The following REST variants were observed in gnomAD, a reference collection of about 807,000 sequenced individuals.
REST encodes the protein RE1 silencing transcription factor.
Under a neutral mutation model 30.4 loss-of-function variants are expected in REST, and 1 was observed. The observed-to-expected ratio is 0.03, with a 90% CI of 0.01 to 0.16. REST has a LOEUF of 0.16. Among genes scored for constraint, REST ranks in the 10% least tolerant of loss-of-function variants. The pLI, the probability that REST is intolerant of heterozygous loss-of-function variation, is 1.00. For synonymous variants in REST, 504 were observed against 451.1 expected (o/e 1.12, Z -1.49); for missense variants, 1,259 against 1,329.5 (o/e 0.95, Z 0.82).
rs1178475745 is a variant in REST at position 56,910,711 on chromosome 4, G to T, written c.73G>T (p.Ala25Ser). ...LFTSSGNIGMALPNDMYDLHD... is the reference protein window; with the variant it reads ...LFTSSGNIGMSLPNDMYDLHD... The stretch of plus-strand genomic sequence containing the variant: ...TACCAGCAGTGGCAACATTGGAATG[G>T]CCCTGCCTAACGACATGTATGACTT... Residue 25 changes from alanine (A) to serine (S), a missense_variant, in exon 2 of 4, where the codon GCC becomes TCC. Physicochemically the swap from Ala to Ser is moderately conservative, Grantham distance 99 (BLOSUM62 1). Around this residue, in one of 5 missense-constraint regions of REST, gnomAD observed 249 missense variants for 251.5 expected, o/e 0.99. Transcript: ENST00000309042. The T allele has an allele frequency of 5.0e-6, 8 of 1,614,034 alleles. No individual in the cohort carries two copies. The Admixed American group carries it at 1.2e-4, about 24-fold the overall frequency.
At chr4:56,918,829 C>T (rs1720319241) in intron 2 of REST, among the ~76,000 whole-genome samples, 1 of 152,056 alleles carries the variant, frequency 6.6e-6, no homozygotes, top group Non-Finnish European at 1.5e-5. Context: ...CGCCACCACG[C>T]CTGGCTAATT....
In REST at chr4:56,934,219, A is replaced by G. The variant is rs1223158457; in HGVS notation, c.*2067A>G. Reference sequence around the variant, plus strand: ...TAAAGCTAGTTAAGTCTTTCTAATGACTAGTTTTAATGTTCATGGGTACAT... The same window carrying G: ...TAAAGCTAGTTAAGTCTTTCTAATGGCTAGTTTTAATGTTCATGGGTACAT... On this transcript the variant is annotated 3_prime_UTR_variant, in exon 4 of 4. Coordinates refer to ENST00000309042, the MANE Select transcript of REST (RefSeq NM_005612.5). The G allele has an allele frequency of 6.6e-6, 1 of 152,216 alleles. No individual in the cohort carries two copies. Among genetic ancestry groups the G allele is most frequent in the African/African-American group, 2.4e-5 (1 of 41,454 alleles). The allele number at this position is 152,216 out of a possible 1,614,324, so 9.4% of individuals were successfully genotyped here. A position where few individuals can be genotyped will look rare whatever the true frequency, so the allele number is the denominator to read the frequency against.
chr4:56,920,006 T>C (rs1461068982), intron 3 of REST, 136 bp downstream of exon 3: 3 of 425,780 alleles, frequency 7.0e-6, no homozygotes, highest in South Asian at 7.9e-5. Context: ...TAAAAATCAG[T>C]ATTCCGTCAA....
At chr4:56,923,512 C>T (rs974515404) in intron 3 of REST, among the ~76,000 whole-genome samples, 3 of 152,022 alleles carry the variant, frequency 2.0e-5, no homozygotes, top group South Asian at 2.1e-4. Context: ...GGTGCGATCT[C>T]GGCTCACTGC....
rs1204848384 is a variant in REST, at chr4:56,933,203, G to A, written c.*1051G>A. On this transcript the variant is annotated 3_prime_UTR_variant, in exon 4 of 4. Coordinates refer to ENST00000309042, the MANE Select transcript of REST (RefSeq NM_005612.5). Reference sequence around the variant, plus strand: ...TTTTTATCTCAAATACCAACCATCAGTTTTTTTTTTCATGTGTTTTGGTAC... The same window carrying A: ...TTTTTATCTCAAATACCAACCATCAATTTTTTTTTTCATGTGTTTTGGTAC... The A allele has an allele frequency of 2.0e-5, 3 of 148,822 alleles. No homozygotes were observed. The highest frequency in any genetic ancestry group is 7.4e-5 in the African/African-American group (3 of 40,588). The allele number at this position is 148,822 out of a possible 1,614,324, so 9.2% of individuals were successfully genotyped here. A position where few individuals can be genotyped will look rare whatever the true frequency, so the allele number is the denominator to read the frequency against.
Position 56,931,298 on chromosome 4 carries a change from C to T in REST, c.2440C>T (p.Pro814Ser), listed in dbSNP as rs754874352. 1 of 1,614,244 alleles carries T rather than the reference C, an allele frequency of 6.2e-7. No individual in the cohort carries two copies. Among genetic ancestry groups the T allele is most frequent in the Admixed American group, 1.7e-5 (1 of 60,028 alleles). The stretch of plus-strand genomic sequence containing the variant: ...TCACATGGAGCCAATTTCCAAAAAG[C>T]CTCCTCTCCGAAAAGATAAAAAGGA... Reference protein sequence around the residue: ...PLHMEPISKKPPLRKDKKEKS... With the variant: ...PLHMEPISKKSPLRKDKKEKS... The change falls in exon 4 of 4, where the codon CCT becomes TCT. Residue 814 changes from proline (P) to serine (S), a missense_variant. Transcript: ENST00000309042.
intron 2 of REST, among the ~76,000 whole-genome samples, chr4:56,916,608 G>A (rs1042266832): frequency 2.0e-5 from 3 of 152,174 alleles, no homozygotes; most frequent in Non-Finnish European, 4.4e-5. Flanking sequence ...CTGCACTCCA[G>A]CCTGGGCGAC....
chr4:56,935,697 T>G lies in REST; in HGVS notation c.*3545T>G, dbSNP rs1721125596. 1 of 152,228 alleles carries G rather than the reference T, an allele frequency of 6.6e-6. No individual in the cohort carries two copies. Among genetic ancestry groups the G allele is most frequent in the Non-Finnish European group, 1.5e-5 (1 of 68,044 alleles). 9.4% of individuals were successfully genotyped at this position (152,228 alleles called of 1,614,324 possible). On this transcript the variant is annotated 3_prime_UTR_variant, in exon 4 of 4. Transcript: ENST00000309042. The stretch of plus-strand genomic sequence containing the variant: ...TTGTAATAGATAAAAATAAACCAGA[T>G]TGCAAATCCTTTTTTAAAATCCTAA...
In REST at chr4:56,931,736, A is replaced by C; in HGVS notation, c.2878A>C (p.Thr960Pro). ...DTDQNTRENL[T>P]GINSTVEEPV... ...TGATCAGAACACAAGAGAGAATCTC[A>C]CTGGTATAAATTCAACAGTTGAAGA... The change falls in exon 4 of 4, where the codon ACT becomes CCT. Residue 960 changes from threonine (T) to proline (P), a missense_variant. Physicochemically the swap from Thr to Pro is conservative, Grantham distance 38. Around this residue, in one of 5 missense-constraint regions of REST, gnomAD observed 856 missense variants for 772.8 expected, o/e 1.11. Transcript: ENST00000309042. The C allele has an allele frequency of 6.2e-7, 1 of 1,614,252 alleles. No individual in the cohort carries two copies. The highest frequency in any genetic ancestry group is 1.1e-5 in the South Asian group (1 of 91,092).
chr4:56,930,704 G>C lies in REST; in HGVS notation c.1846G>C (p.Ala616Pro). 6.2e-7 allele frequency: 1 copy of C among 1,607,904 alleles called. No individual in the cohort carries two copies. The highest frequency in any genetic ancestry group is 2.2e-5 in the East Asian group (1 of 44,836). The change falls in exon 4 of 4, where the codon GCT becomes CCT. Residue 616 changes from alanine to proline, a missense_variant. Ala to Pro is a conservative substitution (Grantham distance 27). This residue lies in a region of REST where 856 missense variants were observed against 772.8 expected (regional missense o/e 1.11). Coordinates refer to ENST00000309042, the MANE Select transcript of REST (RefSeq NM_005612.5). ...GATGGACCCTCCTCAGATGGGGCCT[G>C]CTCCCACAGAGGCGGTTCAGAAGGG... is the stretch of plus-strand genomic sequence containing the variant. The part of the protein sequence containing the change: ...AQMDPPQMGP[A>P]PTEAVQKGPV...
In REST at chr4:56,911,091, C is replaced by CAAG; in HGVS notation, c.455_457dup (p.Lys152dup). On this transcript the variant is annotated inframe_insertion, in exon 2 of 4. Transcript: ENST00000309042. ...AAACACCTGGAGCGGAGGACAAAGG[C>CAAG]AAGAGCTCGAAGACCAAACCCTTTC... 6.2e-7 allele frequency: 1 copy of CAAG among 1,614,180 alleles called. No individual in the cohort carries two copies. Among genetic ancestry groups the CAAG allele is most frequent in the Non-Finnish European group, 8.5e-7 (1 of 1,180,032 alleles).
chr4:56,919,405 T>C (rs1720349232), intron 2 of REST, among the ~76,000 whole-genome samples: 1 of 152,176 alleles, frequency 6.6e-6, no homozygotes, highest in African/African-American at 2.4e-5. Context: ...CCGGTGTTAA[T>C]AGCATCAGAC....
intron 2 of REST, 99 bp from the exon 3 acceptor site, chr4:56,919,688 A>C: frequency 1.7e-6 from 1 of 595,506 alleles, no homozygotes; most frequent in Non-Finnish European, 2.8e-6. Context: ...AATTCTTGTT[A>C]AAATGTGCTG....
chr4:56,930,459 T>C lies in REST; in HGVS notation c.1601T>C (p.Val534Ala). 6.2e-7 allele frequency: 1 copy of C among 1,613,262 alleles called. No individual in the cohort carries two copies. Among genetic ancestry groups the C allele is most frequent in the Non-Finnish European group, 8.5e-7 (1 of 1,179,894 alleles). ...EVDSHSLHGP[V>A]NDEESSTKKK... ...GACAGCCATTCTTTACATGGTCCTGTGAATGATGAGGAATCTTCAACAAAA... is the reference window on the plus strand; with the variant it reads ...GACAGCCATTCTTTACATGGTCCTGCGAATGATGAGGAATCTTCAACAAAA... Residue 534 changes from valine to alanine, a missense_variant, in exon 4 of 4, where the codon GTG (valine) becomes GCG (alanine). Transcript: ENST00000309042.
intron 2 of REST, among the ~76,000 whole-genome samples, chr4:56,913,751 C>T (rs886332196): frequency 1.3e-5 from 2 of 152,080 alleles, no homozygotes; most frequent in African/African-American, 4.8e-5. Flanking sequence ...CAGGTTCAAG[C>T]GATTCTCATG....
intron 2 of REST, 107 bp from the exon 3 acceptor site, chr4:56,919,680 T>C (rs1720362024): frequency 3.7e-6 from 2 of 534,866 alleles, no homozygotes; most frequent in South Asian, 5.0e-5. Context: ...GAAAAAAAAA[T>C]TCTTGTTAAA....
At position 56,931,251 on chromosome 4, in the gene REST, C is replaced by T. The variant is rs764572450; in HGVS notation, c.2393C>T (p.Pro798Leu). The T allele has an allele frequency of 8.7e-6, 14 of 1,614,232 alleles. No individual in the cohort carries two copies. The South Asian group carries it at 1.2e-4, about 14-fold the overall frequency. ...AAGGAGCCTGCTCAGAGGGAGCCAC[C>T]TCCTCCCAGAGAGCCTCCCCTTCAC... The part of the protein sequence containing the change: ...VQKEPAQREP[P>L]PPREPPLHME... The change falls in exon 4 of 4, where the codon CCT becomes CTT. Residue 798 changes from proline (P) to leucine (L), a missense_variant. Pro to Leu is a moderately conservative substitution (Grantham distance 98). Transcript: ENST00000309042.
At chr4:56,918,459 C>T (rs1247340992) in intron 2 of REST, among the ~76,000 whole-genome samples, 1 of 152,176 alleles carries the variant, frequency 6.6e-6, no homozygotes, top group South Asian at 2.1e-4. Flanking sequence ...TGCCACCACA[C>T]TCCAGTCTGG....
rs958492066 is a variant in REST at position 56,935,278 on chromosome 4, C to A, written c.*3126C>A. On this transcript the variant is annotated 3_prime_UTR_variant, in exon 4 of 4. Coordinates refer to ENST00000309042, the MANE Select transcript of REST (RefSeq NM_005612.5). ...TAAGCTGAGGAAGAAAGTTAAGTTT[C>A]TTTTTTACATAAGTCAGAAAAACTT... 4.6e-5 allele frequency: 7 copies of A among 152,108 alleles called. No individual in the cohort carries two copies. The highest frequency in any genetic ancestry group is 1.7e-4 in the African/African-American group (7 of 41,418). The allele number at this position is 152,108 out of a possible 1,614,324, so 9.4% of individuals were successfully genotyped here.
Sources: gnomAD v4.1 joint callset for allele counts (sites outside exome capture counted in the v4.1 genomes callset) on GRCh38, gnomAD v4.1.1 for gene constraint, gnomAD v4.1.1 regional missense constraint, MANE v1.5 for transcripts, NCBI Gene and HGNC (gene_info 2026-07-23, HGNC 2026-07-21) for gene names.